The following RBFOX1 variants were observed in gnomAD, a reference collection of about 807,000 sequenced individuals.
RBFOX1 encodes the protein RNA binding protein fox-1 homolog 1.
In RBFOX1, 8 loss-of-function variants were observed where a neutral mutation model predicts 57.7. That is an observed-to-expected ratio of 0.14 (90% CI 0.08 to 0.25). RBFOX1 has a LOEUF of 0.25. Among genes scored for constraint, RBFOX1 ranks in the 10% least tolerant of loss-of-function variants. RBFOX1 has a pLI of 1.00. For missense variants in RBFOX1, 611 were observed against 548.5 expected, an observed-to-expected ratio of 1.11 and a Z score of -1.14; for synonymous variants, 326 against 222.4, an observed-to-expected ratio of 1.47 and a Z score of -4.15.
intron 4 of RBFOX1, among the ~76,000 whole-genome samples, chr16:7,206,574 G>T (rs1459372296): frequency 6.6e-6 from 1 of 151,926 alleles, no homozygotes; most frequent in Non-Finnish European, 1.5e-5. Flanking sequence ...CCAATCATAT[G>T]GGTTAAGGCT....
intron 13 of RBFOX1, among the ~76,000 whole-genome samples, chr16:7,670,035 G>C (rs555038055): frequency 1.3e-5 from 2 of 152,188 alleles, no homozygotes; most frequent in African/African-American, 4.8e-5. Flanking sequence ...TGTTCCAGAA[G>C]AGAAACTTTT....
Position 6,635,130 on chromosome 16 carries a change from GTATTA to G in RBFOX1, c.-63-19467_-63-19463del, listed in dbSNP as rs201748491. Among the ~76,000 whole-genome samples, 631 of 145,214 alleles carry G rather than the reference GTATTA, an allele frequency of 4.3e-3. 7 individuals are homozygous for G. The highest frequency in any genetic ancestry group is 0.015 in the African/African-American group (601 of 39,886). ...AGTATTATATGTAAGTATACATTAT[GTATTA>G]TATTAAATGTATATGATATGAGTAT... On this transcript the variant is annotated intron_variant, in intron 2 of 15. Coordinates refer to ENST00000550418, the MANE Select transcript of RBFOX1 (RefSeq NM_018723.4).
chr16:6,355,185 G>A (rs1260429040), intron 2 of RBFOX1, among the ~76,000 whole-genome samples: 1 of 152,114 alleles, frequency 6.6e-6, no homozygotes, highest in Non-Finnish European at 1.5e-5. Flanking sequence ...TGCAGAACGT[G>A]CAGTCTTGTT....
chr16:6,092,818 G>C (rs2096195455), intron 1 of RBFOX1: 2 of 152,116 alleles, frequency 1.3e-5, no homozygotes, highest in Non-Finnish European at 1.5e-5. Context: ...TTTGAAGTTG[G>C]GTAACTTGAT....
intron 1 of RBFOX1, among the ~76,000 whole-genome samples, chr16:6,147,076 C>T (rs1057131847): frequency 2.0e-5 from 3 of 152,102 alleles, no homozygotes; most frequent in East Asian, 1.9e-4. Flanking sequence ...GACTCAGGCC[C>T]CAGCTTCCAC....
rs184641556 is a variant in RBFOX1 at position 7,308,051 on chromosome 16, G to A, written c.28-210096G>A. Among the ~76,000 whole-genome samples, 683 of 152,282 alleles carry A rather than the reference G, an allele frequency of 4.5e-3. 2 individuals carry two copies. Among genetic ancestry groups the A allele is most frequent in the African/African-American group, 0.015 (640 of 41,552 alleles). On this transcript the variant is annotated intron_variant, in intron 4 of 15. Transcript: ENST00000550418. Reference sequence around the variant, plus strand: ...AATACAATTCCACATTAGGGGGTTTGCAGCAAGCTAGGTCAAAAGAGAACC... The same window carrying A: ...AATACAATTCCACATTAGGGGGTTTACAGCAAGCTAGGTCAAAAGAGAACC...
At chr16:7,486,423 CA>C (rs2065411722) in intron 4 of RBFOX1, among the ~76,000 whole-genome samples, 1 of 152,022 alleles carries the variant, frequency 6.6e-6, no homozygotes, top group Non-Finnish European at 1.5e-5. Context: ...AGGTGTGAGC[CA>C]TGGTACCCGG....
chr16:6,584,384 T>TTAC (rs1391924391), intron 2 of RBFOX1, among the ~76,000 whole-genome samples: 3 of 139,378 alleles, frequency 2.2e-5, no homozygotes, highest in Non-Finnish European at 4.7e-5. Context: ...ATTATTATTA[T>TTAC]TGAGACATGG....
chr16:5,277,692 T>C (rs1443631381), intron 1 of RBFOX1, among the ~76,000 whole-genome samples: 1 of 152,172 alleles, frequency 6.6e-6, no homozygotes, highest in African/African-American at 2.4e-5. Context: ...ACCTGATACA[T>C]GGCCCCCACT....
intron 3 of RBFOX1, among the ~76,000 whole-genome samples, chr16:5,615,336 GT>G (rs35781764): frequency 6.6e-6 from 1 of 152,150 alleles, no homozygotes; most frequent in Non-Finnish European, 1.5e-5. Context: ...CAGCAGCTGA[GT>G]TTTTTTGACA....
chr16:6,503,470 C>T (rs1011413477), intron 2 of RBFOX1, among the ~76,000 whole-genome samples: 4 of 152,202 alleles, frequency 2.6e-5, no homozygotes, highest in Non-Finnish European at 5.9e-5. Flanking sequence ...GGGCTGTGCT[C>T]AGCAGGACAT....
At chr16:6,253,078 C>T (rs1330214513) in intron 1 of RBFOX1, among the ~76,000 whole-genome samples, 1 of 152,134 alleles carries the variant, frequency 6.6e-6, no homozygotes, top group Non-Finnish European at 1.5e-5. Flanking sequence ...GCCATCTCTC[C>T]TTCTTGATCT....
chr16:6,253,699 G>GTATATATATATA (rs373756943), intron 1 of RBFOX1, among the ~76,000 whole-genome samples: 10 of 142,412 alleles, frequency 7.0e-5, no homozygotes, highest in African/African-American at 2.3e-4. Context: ...GTGTGTGTGT[G>GTATATATATATA]TATATATATA....
intron 4 of RBFOX1, among the ~76,000 whole-genome samples, chr16:5,907,550 G>C (rs17138846): frequency 1.9e-4 from 29 of 152,084 alleles, no homozygotes; most frequent in African/African-American, 7.0e-4. Flanking sequence ...GTGATTTTAC[G>C]TGCTTATATT....
intron 11 of RBFOX1, among the ~76,000 whole-genome samples, chr16:7,631,529 C>G (rs1037531777): frequency 1.3e-5 from 2 of 152,206 alleles, no homozygotes; most frequent in Non-Finnish European, 2.9e-5. Flanking sequence ...ACAGCTGAAA[C>G]TTTAACATCT....
At chr16:5,811,280 C>G (rs2055421639) in intron 3 of RBFOX1, among the ~76,000 whole-genome samples, 2 of 149,494 alleles carry the variant, frequency 1.3e-5, no homozygotes, top group African/African-American at 4.9e-5. Context: ...ATTACAGGCA[C>G]CCGCCATCAT....
exon 3 of RBFOX1, chr16:5,599,757 G>C (rs1308269333): frequency 6.5e-6 from 1 of 153,600 alleles, no homozygotes; most frequent in African/African-American, 2.4e-5. Flanking sequence ...AACATAAAGT[G>C]AGTTGACTCA....
At chr16:6,850,744 G>C (rs1332452535) in intron 3 of RBFOX1, among the ~76,000 whole-genome samples, 1 of 152,122 alleles carries the variant, frequency 6.6e-6, no homozygotes, top group Non-Finnish European at 1.5e-5. Flanking sequence ...AATACCAAAT[G>C]CTGTCAAAGA....
chr16:6,683,926 CAT>C (rs1248457649), intron 3 of RBFOX1, among the ~76,000 whole-genome samples: 5 of 152,280 alleles, frequency 3.3e-5, no homozygotes, highest in East Asian at 1.9e-4. Context: ...TATGTGAAAA[CAT>C]GTGTCACGCA....
Sources: gnomAD v4.1 joint callset for allele counts (sites outside exome capture counted in the v4.1 genomes callset) on GRCh38, gnomAD v4.1.1 for gene constraint, MANE v1.5 for transcripts, NCBI Gene and HGNC (gene_info 2026-07-23, HGNC 2026-07-21) for gene names.